The following TTC39C variants were observed in gnomAD, a reference collection of about 807,000 sequenced individuals.
TTC39C encodes the protein tetratricopeptide repeat domain 39C.
A neutral mutation model predicts 76.3 loss-of-function variants in TTC39C; 33 were observed. The observed-to-expected ratio is 0.43, with a 90% CI of 0.33 to 0.58. The LOEUF is 0.58. Ranked by LOEUF, TTC39C falls within the 20% of genes least tolerant of loss-of-function variation. The probability of loss-of-function intolerance (pLI) is 0.04; values close to 1 mark genes in which losing one functional copy is unlikely to be tolerated. For synonymous variants in TTC39C, 254 were observed against 260.6 expected, an observed-to-expected ratio of 0.97 and a Z score of 0.24; for missense variants, 595 against 701.4, an observed-to-expected ratio of 0.85 and a Z score of 1.71.
intron 4 of TTC39C, among the ~76,000 whole-genome samples, chr18:24,079,924 C>T (rs374977944): frequency 1.3e-5 from 2 of 150,598 alleles, no homozygotes; most frequent in African/African-American, 4.9e-5. Context: ...ACCTCAGCCT[C>T]CCAGGTAGCT....
intron 10 of TTC39C, 33 bp from the exon 11 acceptor site, chr18:24,128,853 C>G: frequency 6.5e-7 from 1 of 1,549,116 alleles, no homozygotes; most frequent in Non-Finnish European, 8.8e-7. Context: ...AATGCATTTG[C>G]TTACTGCTCT....
chr18:24,125,590 C>T, intron 10 of TTC39C, 40 bp downstream of exon 10: 1 of 1,611,392 alleles, frequency 6.2e-7, no homozygotes, highest in Non-Finnish European at 8.5e-7. Context: ...CTACTGGACA[C>T]ACTGGCTTCT....
chr18:24,016,486 C>T lies in TTC39C; in HGVS notation c.167+1448C>T, dbSNP rs150471245. 198 of 384,932 alleles carry T rather than the reference C, an allele frequency of 5.1e-4. 3 individuals are homozygous for T. In the East Asian group the frequency reaches 6.9e-3, roughly 13 times the overall value. The allele number at this position is 384,932 out of a possible 1,614,324, so 23.8% of individuals were successfully genotyped here. A position where few individuals can be genotyped will look rare whatever the true frequency, so the allele number is the denominator to read the frequency against. On this transcript the variant is annotated intron_variant, in intron 1 of 13. Transcript: ENST00000317571. ...GAGATAGTTGTAGAGTCAAATTTACCCTTTTTAGTTGATGATTTAGGTACT... is the reference window on the plus strand; with the variant it reads ...GAGATAGTTGTAGAGTCAAATTTACTCTTTTTAGTTGATGATTTAGGTACT...
intron 4 of TTC39C, among the ~76,000 whole-genome samples, chr18:24,075,704 CA>C (rs530208641): frequency 9.9e-5 from 12 of 121,658 alleles, no homozygotes; most frequent in South Asian, 8.5e-4. Context: ...AAAAAAAAAA[CA>C]AAAAAAAAAC....
At chr18:24,021,571 A>G (rs1303459364) in intron 1 of TTC39C, among the ~76,000 whole-genome samples, 3 of 117,374 alleles carry the variant, frequency 2.6e-5, no homozygotes, top group East Asian at 2.4e-4. Context: ...TCCGAGACAG[A>G]GTCTTGCTCC....
At chr18:24,032,429 A>C (rs954883944) in intron 1 of TTC39C, among the ~76,000 whole-genome samples, 7 of 152,058 alleles carry the variant, frequency 4.6e-5, no homozygotes, top group African/African-American at 1.7e-4. Context: ...CCTTATCCTA[A>C]ATGCTTGGGA....
At chr18:24,114,887 G>T in intron 7 of TTC39C, 1 of 385,286 alleles carries the variant, frequency 2.6e-6, no homozygotes, top group East Asian at 5.3e-5. Context: ...TAAATGAATT[G>T]ATTAAATGAC....
At chr18:24,087,997 T>C (rs2084466903) in intron 6 of TTC39C, among the ~76,000 whole-genome samples, 1 of 152,226 alleles carries the variant, frequency 6.6e-6, no homozygotes. Flanking sequence ...TCTATTGCTG[T>C]ATGTCATTTC....
intron 2 of TTC39C, among the ~76,000 whole-genome samples, chr18:24,065,766 G>A (rs2084158056): frequency 6.6e-6 from 1 of 152,202 alleles, no homozygotes; most frequent in Non-Finnish European, 1.5e-5. Flanking sequence ...AACAAAATTT[G>A]TAGAACAGTA....
At chr18:24,014,646 C>G (rs1483652632), upstream of TTC39C, 3 of 529,308 alleles carry the variant, frequency 5.7e-6, no homozygotes, top group African/African-American at 6.1e-5. Flanking sequence ...TGAGTAATCC[C>G]CGCGGCGGCG....
In TTC39C at chr18:24,086,021, T is replaced by C. The variant is rs538368039; in HGVS notation, c.984+2940T>C. On this transcript the variant is annotated intron_variant, in intron 6 of 13. Coordinates refer to ENST00000317571, the MANE Select transcript of TTC39C (RefSeq NM_001135993.2). ...TGAGGAACTCTGCCCAGGGAGGCTGTGATATAGCCCTTGCCAAAGGCTGTT... is the reference window on the plus strand; with the variant it reads ...TGAGGAACTCTGCCCAGGGAGGCTGCGATATAGCCCTTGCCAAAGGCTGTT... Among the ~76,000 whole-genome samples the C allele has an allele frequency of 2.8e-4, 43 of 152,326 alleles. 1 individual carries two copies. The South Asian group carries it at 5.2e-3, about 18-fold the overall frequency.
chr18:24,094,658 GC>G (rs1275103577), intron 6 of TTC39C, among the ~76,000 whole-genome samples: 3 of 152,154 alleles, frequency 2.0e-5, no homozygotes, highest in Non-Finnish European at 4.4e-5. Flanking sequence ...CTCTTGGGTG[GC>G]CACATACATT....
chr18:24,099,566 G>A (rs1416784412), intron 6 of TTC39C, among the ~76,000 whole-genome samples: 2 of 151,880 alleles, frequency 1.3e-5, no homozygotes, highest in East Asian at 3.8e-4. Flanking sequence ...GTATTTAAAT[G>A]TGAATATAAA....
chr18:24,107,887 T>TGG (rs757849820), intron 6 of TTC39C, among the ~76,000 whole-genome samples: 75 of 60,002 alleles, frequency 1.2e-3, no homozygotes, highest in South Asian at 8.6e-3. Flanking sequence ...GCCTCCCAAG[T>TGG]AGGGGGGGGG....
intron 1 of TTC39C, among the ~76,000 whole-genome samples, chr18:24,019,189 T>C (rs2083491093): frequency 6.6e-6 from 1 of 152,200 alleles, no homozygotes; most frequent in African/African-American, 2.4e-5. Context: ...TTCTTATTTC[T>C]GCTGCCCTGA....
At chr18:24,034,568 A>G (rs2083710756) in intron 1 of TTC39C, among the ~76,000 whole-genome samples, 1 of 152,218 alleles carries the variant, frequency 6.6e-6, no homozygotes, top group African/African-American at 2.4e-5. Flanking sequence ...TACAGCCATC[A>G]CCAGCATCCA....
chr18:24,033,623 C>G (rs1309890355), intron 1 of TTC39C, among the ~76,000 whole-genome samples: 3 of 152,200 alleles, frequency 2.0e-5, no homozygotes, highest in African/African-American at 7.2e-5. Context: ...TGCACAGATT[C>G]CAGTTTCCAG....
chr18:24,099,671 A>G (rs1046404069), intron 6 of TTC39C, among the ~76,000 whole-genome samples: 1 of 151,990 alleles, frequency 6.6e-6, no homozygotes, highest in Non-Finnish European at 1.5e-5. Context: ...ATGCTTTCTT[A>G]TATCTCCATA....
intron 1 of TTC39C, among the ~76,000 whole-genome samples, chr18:24,063,464 A>G (rs1257557215): frequency 6.6e-6 from 1 of 151,772 alleles, no homozygotes; most frequent in Non-Finnish European, 1.5e-5. Context: ...AAAATGAATA[A>G]TAACTGTCTT....
Sources: gnomAD v4.1 joint callset for allele counts (sites outside exome capture counted in the v4.1 genomes callset) on GRCh38, gnomAD v4.1.1 for gene constraint, MANE v1.5 for transcripts, NCBI Gene and HGNC (gene_info 2026-07-23, HGNC 2026-07-21) for gene names.